The following NSMCE2 variants were observed in gnomAD, a reference collection of about 807,000 sequenced individuals.
The protein encoded by NSMCE2 is NSE2 SUMO ligase component of SMC5/6 complex, also known as E3 SUMO-protein ligase NSE2.
NSMCE2 carries 24 observed loss-of-function variants against 23.8 expected under a neutral mutation model. That is an observed-to-expected ratio of 1.01 (90% CI 0.73 to 1.42). The LOEUF (loss-of-function observed/expected upper bound fraction) is 1.42. Among genes scored for constraint, NSMCE2 ranks in the 40% most tolerant of loss-of-function variants. The probability of loss-of-function intolerance (pLI) is 0.00; values close to 1 mark genes in which losing one functional copy is unlikely to be tolerated. For synonymous variants in NSMCE2, 92 were observed against 94.1 expected (o/e 0.98, Z 0.13); for missense variants, 284 against 296.5 (o/e 0.96, Z 0.31).
chr8:125,152,876 A>G (rs1821112654), intron 4 of NSMCE2, among the ~76,000 whole-genome samples: 1 of 151,756 alleles, frequency 6.6e-6, no homozygotes. Context: ...TGGCCAACAT[A>G]GTGAAACCCT....
intron 5 of NSMCE2, among the ~76,000 whole-genome samples, chr8:125,339,881 A>G (rs1352714746): frequency 6.6e-6 from 1 of 152,178 alleles, no homozygotes; most frequent in African/African-American, 2.4e-5. Context: ...GGTGGTCAGC[A>G]GACATTTACT....
rs543000539 is a variant in NSMCE2 at position 125,272,841 on chromosome 8, G to A, written c.419-84378G>A. On this transcript the variant is annotated intron_variant, in intron 5 of 7. Transcript: ENST00000287437. ...TATATATACACATATATATACACAC[G>A]TATATACACACACACATATATATAC... Among the ~76,000 whole-genome samples the A allele has an allele frequency of 2.3e-4, 12 of 52,284 alleles. 1 individual carries two copies. The highest frequency in any genetic ancestry group is 3.5e-4 in the African/African-American group (5 of 14,176). 34.3% of individuals were successfully genotyped at this position (52,284 alleles called of 152,430 possible).
intron 1 of NSMCE2, among the ~76,000 whole-genome samples, 190 bp downstream of exon 1, chr8:125,092,148 C>T (rs1273904156): frequency 6.6e-6 from 1 of 152,162 alleles, no homozygotes. Flanking sequence ...ATCCTTTCGC[C>T]TCAAGTGTGT....
intron 5 of NSMCE2, chr8:125,270,783 G>A (rs775670012): frequency 5.9e-5 from 9 of 152,278 alleles, no homozygotes; most frequent in African/African-American, 1.9e-4. Context: ...CTAAGGAGGG[G>A]TGAACGGGCC....
intron 5 of NSMCE2, among the ~76,000 whole-genome samples, chr8:125,224,454 T>C (rs1825005910): frequency 6.6e-6 from 1 of 152,236 alleles, no homozygotes; most frequent in Non-Finnish European, 1.5e-5. Context: ...CTTAAGTCTT[T>C]AATCCATTTT....
rs1244807135 is a variant in NSMCE2 at position 125,116,991 on chromosome 8, A to G, written c.157+14504A>G. On this transcript the variant is annotated intron_variant, in intron 3 of 7. Coordinates refer to ENST00000287437, the MANE Select transcript of NSMCE2 (RefSeq NM_173685.4). ...CAACCTCCACCTCCTGGGTTCAAAC[A>G]GTTTTCCTGCCTTAGCCTCCCAAGT... is the stretch of plus-strand genomic sequence containing the variant. Among the ~76,000 whole-genome samples the G allele has an allele frequency of 2.0e-5, 3 of 150,882 alleles. No individual in the cohort carries two copies. The East Asian group carries it at 5.8e-4, about 29-fold the overall frequency.
intron 5 of NSMCE2, among the ~76,000 whole-genome samples, chr8:125,227,353 C>T (rs1825143230): frequency 6.6e-6 from 1 of 152,174 alleles, no homozygotes; most frequent in African/African-American, 2.4e-5. Flanking sequence ...TGGGCAACAG[C>T]AGTGTCCCTG....
chr8:125,102,518 A>C (rs201410863), intron 3 of NSMCE2, 31 bp downstream of exon 3: 26 of 1,575,514 alleles, frequency 1.7e-5, no homozygotes, highest in Non-Finnish European at 2.2e-5. Context: ...TTTTGTGTCT[A>C]CTTTGAGGTA....
chr8:125,108,439 T>C (rs1402534618), intron 3 of NSMCE2, among the ~76,000 whole-genome samples: 2 of 152,380 alleles, frequency 1.3e-5, no homozygotes, highest in East Asian at 1.9e-4. Flanking sequence ...GTATCAGCAC[T>C]TAAGTGCACG....
At chr8:125,170,715 T>C (rs1235625794) in intron 4 of NSMCE2, among the ~76,000 whole-genome samples, 1 of 152,058 alleles carries the variant, frequency 6.6e-6, no homozygotes, top group Non-Finnish European at 1.5e-5. Context: ...GCCAACCTTA[T>C]TATTTCTACC....
chr8:125,223,424 G>A (rs944158780), intron 5 of NSMCE2, among the ~76,000 whole-genome samples: 6 of 152,160 alleles, frequency 3.9e-5, no homozygotes, highest in African/African-American at 9.7e-5. Context: ...TGACTATTGC[G>A]AATAATGCTG....
intron 5 of NSMCE2, among the ~76,000 whole-genome samples, chr8:125,240,466 C>G: frequency 6.6e-6 from 1 of 152,182 alleles, no homozygotes; most frequent in South Asian, 2.1e-4. Context: ...CACTGACATA[C>G]TTTATAATGA....
At chr8:125,257,522 C>CTTTT (rs1174718163) in intron 5 of NSMCE2, among the ~76,000 whole-genome samples, 5 of 84,620 alleles carry the variant, frequency 5.9e-5, no homozygotes, top group Non-Finnish European at 1.1e-4. Context: ...CCAAATTTCT[C>CTTTT]TTTTTTTTTT....
chr8:125,288,014 C>G (rs570125051), intron 5 of NSMCE2, among the ~76,000 whole-genome samples: 1 of 152,260 alleles, frequency 6.6e-6, no homozygotes, highest in South Asian at 2.1e-4. Flanking sequence ...CTTGTGGAGA[C>G]AGGGTCTCGG....
chr8:125,254,459 A>C (rs1458102817), intron 5 of NSMCE2, among the ~76,000 whole-genome samples: 1 of 152,230 alleles, frequency 6.6e-6, no homozygotes, highest in Non-Finnish European at 1.5e-5. Context: ...TCTGAAGTTT[A>C]ATTAGCTTTA....
chr8:125,195,676 G>A (rs986030231), intron 5 of NSMCE2, among the ~76,000 whole-genome samples: 1 of 152,052 alleles, frequency 6.6e-6, no homozygotes, highest in African/African-American at 2.4e-5. Context: ...TGCTCATGGA[G>A]CTTACATTCT....
At chr8:125,284,355 C>T (rs938863684) in intron 5 of NSMCE2, among the ~76,000 whole-genome samples, 1 of 152,094 alleles carries the variant, frequency 6.6e-6, no homozygotes, top group African/African-American at 2.4e-5. Flanking sequence ...TGAGGCACAG[C>T]TAAGGCTGCC....
rs111749670 is a variant in NSMCE2, at chr8:125,325,294, TTAAAA to T, written c.419-31900_419-31896del. Among the ~76,000 whole-genome samples the T allele has an allele frequency of 6.2e-4, 79 of 127,188 alleles. No individual in the cohort carries two copies. The East Asian group carries it at 7.8e-3, about 13-fold the overall frequency. The allele number at this position is 127,188 out of a possible 152,430, so 83.4% of individuals were successfully genotyped here. A position where few individuals can be genotyped will look rare whatever the true frequency, so the allele number is the denominator to read the frequency against. The stretch of plus-strand genomic sequence containing the variant: ...GTAACATAGCCAAACCCCGTTTCTA[TTAAAA>T]TAAAATAAAATAAAATAAAATAAAG... On this transcript the variant is annotated intron_variant, in intron 5 of 7. Transcript: ENST00000287437.
At chr8:125,335,023 T>G (rs1358834639) in intron 5 of NSMCE2, among the ~76,000 whole-genome samples, 2 of 152,120 alleles carry the variant, frequency 1.3e-5, no homozygotes, top group East Asian at 3.9e-4. Flanking sequence ...CCCAAATTGC[T>G]GGGATTACAG....
Sources: gnomAD v4.1 joint callset for allele counts (sites outside exome capture counted in the v4.1 genomes callset) on GRCh38, gnomAD v4.1.1 for gene constraint, MANE v1.5 for transcripts, NCBI Gene and HGNC (gene_info 2026-07-23, HGNC 2026-07-21) for gene names.